The following SKOR1 variants were observed in gnomAD, a reference collection of about 807,000 sequenced individuals.
The protein encoded by SKOR1 is LBX1 corepressor 1.
SKOR1 carries 38 observed loss-of-function variants against 72.4 expected under a neutral mutation model. That is an observed-to-expected ratio of 0.52 (90% confidence interval 0.40 to 0.69). The LOEUF (loss-of-function observed/expected upper bound fraction) is 0.69. SKOR1 is among the 30% of genes least tolerant of loss of function. The pLI is 0.00. For missense variants in SKOR1, 1,320 were observed against 1,343.2 expected (o/e 0.98, Z 0.27); for synonymous variants, 642 against 599.4 (o/e 1.07, Z -1.04).
rs567784570 is a variant in SKOR1, at chr15:67,827,385, G to C, written c.1557G>C (p.Ala519=). 4.3e-4 allele frequency: 665 copies of C among 1,550,756 alleles called. 1 individual carries two copies. The highest frequency in any genetic ancestry group is 3.3e-3 in the South Asian group (280 of 86,110). ...QAKAVAAAVA[A]AAAAAAAAAG... is the part of the protein sequence containing the mutation. ...AGGCCGTGGCGGCAGCCGTGGCGGC[G>C]GCAGCGGCGGCGGCAGCGGCAGCTG... The change falls in exon 2 of 9, where the codon GCG becomes GCC. Residue 519 remains alanine, a synonymous_variant. Coordinates refer to ENST00000380035, the MANE Select transcript of SKOR1 (RefSeq NM_001365915.1).
In SKOR1 at chr15:67,827,799, C is replaced by A. The variant is rs1392913739; in HGVS notation, c.1971C>A (p.Asp657Glu). The A allele has an allele frequency of 8.9e-6, 14 of 1,574,860 alleles. No homozygotes were observed. The highest frequency in any genetic ancestry group is 1.7e-4 in the Middle Eastern group (1 of 6,016). ...NSASPDVDTA[D>E]EPEVDVESNR... ...CCTCGCCCGACGTGGACACCGCGGA[C>A]GAGCCCGAGGTGGACGTGGAATCCA... Residue 657 changes from aspartate to glutamate, a missense_variant, in exon 2 of 9, where the codon GAC becomes GAA. Transcript: ENST00000380035.
Position 67,826,710 on chromosome 15 carries a change from G to A in SKOR1, c.882G>A (p.Ser294=). ...GGGGGGANGG[S]GGQGKGGAGG... is the part of the protein sequence containing the mutation. Reference sequence around the variant, plus strand: ...GCGGAGGCGGTGCCAATGGCGGGTCGGGTGGGCAGGGGAAGGGTGGTGCTG... The same window carrying A: ...GCGGAGGCGGTGCCAATGGCGGGTCAGGTGGGCAGGGGAAGGGTGGTGCTG... Residue 294 remains serine (S), a synonymous_variant, in exon 2 of 9, where the codon TCG becomes TCA. Transcript: ENST00000380035. 1.3e-6 allele frequency: 2 copies of A among 1,548,014 alleles called. No individual in the cohort carries two copies. Among genetic ancestry groups the A allele is most frequent in the Non-Finnish European group, 1.7e-6 (2 of 1,149,600 alleles).
chr15:67,830,661 T>C (rs1185605741), intron 4 of SKOR1, among the ~76,000 whole-genome samples, 157 bp from the exon 5 acceptor site: 1 of 152,154 alleles, frequency 6.6e-6, no homozygotes, highest in Non-Finnish European at 1.5e-5. Context: ...TGTAATGTCC[T>C]AGAAGGTGGA....
chr15:67,829,631 G>T (rs905737572), intron 3 of SKOR1, among the ~76,000 whole-genome samples: 2 of 152,256 alleles, frequency 1.3e-5, no homozygotes, highest in Non-Finnish European at 2.9e-5. Context: ...CGGGGCGGAG[G>T]ATGGGGGCAC....
chr15:67,833,175 C>T lies in SKOR1; in HGVS notation c.2738-17C>T, dbSNP rs1188072810. The T allele has an allele frequency of 6.2e-7, 1 of 1,613,908 alleles. No individual in the cohort carries two copies. Among genetic ancestry groups the T allele is most frequent in the African/African-American group, 1.3e-5 (1 of 74,894 alleles). On this transcript the variant is annotated splice_polypyrimidine_tract_variant and intron_variant, in intron 7 of 8. Transcript: ENST00000380035. This position sits in a 1 kb window ranked among gnomAD's most constrained non-coding sequence, Gnocchi z 6.0. Reference sequence around the variant, plus strand: ...GTGGTCTGCGTTTCCTCACTGGCCCCTCCCCTTGTCTTCCAGATACCCTGT... The same window carrying T: ...GTGGTCTGCGTTTCCTCACTGGCCCTTCCCCTTGTCTTCCAGATACCCTGT...
In SKOR1 at chr15:67,828,057, G is replaced by A; in HGVS notation, c.2229G>A (p.Arg743=). ...ACTTGGCAGCCGAAGACTTGGTGCG[G>A]AGACCTGAGAGGAGCCCGCCAAGCG... ...FGDLAAEDLV[R]RPERSPPSGG... Residue 743 remains arginine, a synonymous_variant, in exon 2 of 9, where the codon CGG becomes CGA. Coordinates refer to ENST00000380035, the MANE Select transcript of SKOR1 (RefSeq NM_001365915.1). 2 of 1,536,836 alleles carry A rather than the reference G, an allele frequency of 1.3e-6. No individual in the cohort carries two copies. Among genetic ancestry groups the A allele is most frequent in the Non-Finnish European group, 1.7e-6 (2 of 1,144,404 alleles).
chr15:67,830,718 G>C, intron 4 of SKOR1, 100 bp from the exon 5 acceptor site: 1 of 1,102,590 alleles, frequency 9.1e-7, no homozygotes, highest in Non-Finnish European at 1.4e-6. Context: ...AGAAGGTCTA[G>C]GGTAGGTCCC....
chr15:67,827,419 G>T lies in SKOR1; in HGVS notation c.1591G>T (p.Gly531Cys). ...GGCGGCAGCGGCAGCTGCTGGCAGC[G>T]GTGCCCCAGAGCCCCTGGACGGTGC... The part of the protein sequence containing the change: ...AAAAAAAAGS[G>C]APEPLDGAEP... The change falls in exon 2 of 9, where the codon GGT becomes TGT. Residue 531 changes from glycine (G) to cysteine (C), a missense_variant. Around this residue, in one of 3 missense-constraint regions of SKOR1, gnomAD observed 1,099 missense variants for 1,025.5 expected, o/e 1.07. Transcript: ENST00000380035. The T allele has an allele frequency of 6.6e-7, 1 of 1,523,724 alleles. No homozygotes were observed. Among genetic ancestry groups the T allele is most frequent in the Non-Finnish European group, 8.8e-7 (1 of 1,142,596 alleles). The allele number at this position is 1,523,724 out of a possible 1,614,324, so 94.4% of individuals were successfully genotyped here.
rs983533132 is a variant in SKOR1, at chr15:67,833,269, G to A, written c.2803+12G>A. 9 of 1,613,886 alleles carry A rather than the reference G, an allele frequency of 5.6e-6. No homozygotes were observed. The highest frequency in any genetic ancestry group is 5.3e-5 in the African/African-American group (4 of 74,930). On this transcript the variant is annotated intron_variant, in intron 8 of 8. Coordinates refer to ENST00000380035, the MANE Select transcript of SKOR1 (RefSeq NM_001365915.1). This position sits in a 1 kb window ranked among gnomAD's most constrained non-coding sequence, Gnocchi z 6.0. Reference sequence around the variant, plus strand: ...GCAGAAATTGAAAGGTGCGGAAGCCGGGAAACAAAGATAGGAGGGGTGCTG... The same window carrying A: ...GCAGAAATTGAAAGGTGCGGAAGCCAGGAAACAAAGATAGGAGGGGTGCTG...
Position 67,827,897 on chromosome 15 carries a change from A to G in SKOR1, c.2069A>G (p.Asp690Gly). Residue 690 changes from aspartate (D) to glycine (G), a missense_variant, in exon 2 of 9, where the codon GAC becomes GGC. Physicochemically the swap from Asp to Gly is moderately conservative, Grantham distance 94 (BLOSUM62 -1). Coordinates refer to ENST00000380035, the MANE Select transcript of SKOR1 (RefSeq NM_001365915.1). ...GCACCCAGCGCAGGGGGCGGCCCAG[A>G]CGGTGAACAGCCCACTGGACCCCCT... ...PSAPSAGGGP[D>G]GEQPTGPPSA... 1 of 1,599,814 alleles carries G rather than the reference A, an allele frequency of 6.3e-7. No individual in the cohort carries two copies. The highest frequency in any genetic ancestry group is 8.5e-7 in the Non-Finnish European group (1 of 1,174,316).
In SKOR1 at chr15:67,833,600, C is replaced by A; in HGVS notation, c.2804-142C>A. 1 of 852,720 alleles carries A rather than the reference C, an allele frequency of 1.2e-6. No homozygotes were observed. The highest frequency in any genetic ancestry group is 1.9e-6 in the Non-Finnish European group (1 of 517,492). 52.8% of individuals were successfully genotyped at this position (852,720 alleles called of 1,614,324 possible). A position where few individuals can be genotyped will look rare whatever the true frequency, so the allele number is the denominator to read the frequency against. ...TTCTGAATCACCAGCTTTTGTCCTA[C>A]CCTCCTGCCTCCTCCTGATCCGCTC... On this transcript the variant is annotated intron_variant, in intron 8 of 8. Coordinates refer to ENST00000380035, the MANE Select transcript of SKOR1 (RefSeq NM_001365915.1). This position sits in a 1 kb window ranked among gnomAD's most constrained non-coding sequence, Gnocchi z 6.0.
In SKOR1 at chr15:67,827,700, G is replaced by A. The variant is rs1426193442; in HGVS notation, c.1872G>A (p.Pro624=). The change falls in exon 2 of 9, where the codon CCG becomes CCA. Residue 624 remains proline (P), a synonymous_variant. Coordinates refer to ENST00000380035, the MANE Select transcript of SKOR1 (RefSeq NM_001365915.1). ...ACGGCGCGGGGCCTGCTCGGGGGCC[G>A]GGACCCGGCGCTGGGAGCGGCGGCT... ...EAYGAGPARG[P]GPGAGSGGYV... 1.3e-6 allele frequency: 2 copies of A among 1,538,386 alleles called. No individual in the cohort carries two copies. The highest frequency in any genetic ancestry group is 1.2e-5 in the South Asian group (1 of 82,680).
chr15:67,831,351 C>T (rs180851064), intron 5 of SKOR1, among the ~76,000 whole-genome samples: 64 of 152,306 alleles, frequency 4.2e-4, no homozygotes, highest in African/African-American at 1.5e-3. Context: ...GTATAACCAC[C>T]TCCACCTTAC....
chr15:67,833,930 G>C lies in SKOR1; in HGVS notation c.*94G>C. 1 of 1,356,674 alleles carries C rather than the reference G, an allele frequency of 7.4e-7. No individual in the cohort carries two copies. Among genetic ancestry groups the C allele is most frequent in the Non-Finnish European group, 1.0e-6 (1 of 963,040 alleles). The allele number at this position is 1,356,674 out of a possible 1,614,324, so 84.0% of individuals were successfully genotyped here. ...GCCCTGAGCGAGGAACAAGCCATTC[G>C]GACCCGACCGATGTAAATACAGCCG... On this transcript the variant is annotated 3_prime_UTR_variant, in exon 9 of 9. Transcript: ENST00000380035. This position sits in a 1 kb window ranked among gnomAD's most constrained non-coding sequence, Gnocchi z 6.0.
Position 67,830,106 on chromosome 15 carries a change from T to C in SKOR1, c.2408-85T>C. On this transcript the variant is annotated intron_variant, in intron 3 of 8. Transcript: ENST00000380035. ...CGGCCACGACGCTTTTAATTAGGGC[T>C]GGGGCGCCCCGACCGCGGCAGCTCC... The C allele has an allele frequency of 2.9e-6, 4 of 1,388,360 alleles. No individual in the cohort carries two copies. In the Admixed American group the frequency reaches 6.9e-5, roughly 24 times the overall value. 86.0% of individuals were successfully genotyped at this position (1,388,360 alleles called of 1,614,324 possible).
In SKOR1 at chr15:67,834,131, G is replaced by A. The variant is rs2091030248; in HGVS notation, c.*295G>A. On this transcript the variant is annotated 3_prime_UTR_variant, in exon 9 of 9. Coordinates refer to ENST00000380035, the MANE Select transcript of SKOR1 (RefSeq NM_001365915.1). The surrounding 1 kb of genome is among the most constrained non-coding windows in gnomAD (Gnocchi z 5.8). ...CAAGGGGTTAACTGGACAGACGGGG[G>A]GCGGGAGGGGAGAGCGCCCCCTCCC... 2.1e-6 allele frequency: 1 copy of A among 480,090 alleles called. No homozygotes were observed. Among genetic ancestry groups the A allele is most frequent in the South Asian group, 2.1e-5 (1 of 46,950 alleles). The allele number at this position is 480,090 out of a possible 1,614,324, so 29.7% of individuals were successfully genotyped here. A position where few individuals can be genotyped will look rare whatever the true frequency, so the allele number is the denominator to read the frequency against.
At position 67,832,712 on chromosome 15, in the gene SKOR1, G is replaced by C. The variant is rs753125542; in HGVS notation, c.2737+31G>C. On this transcript the variant is annotated intron_variant, in intron 7 of 8. Coordinates refer to ENST00000380035, the MANE Select transcript of SKOR1 (RefSeq NM_001365915.1). This position sits in a 1 kb window ranked among gnomAD's most constrained non-coding sequence, Gnocchi z 4.5. The stretch of plus-strand genomic sequence containing the variant: ...ACGGGAGTCAGGTGAGCTCGTGCAC[G>C]GGCCGTAACTGCCTCTCGTCTGGCA... The C allele has an allele frequency of 1.9e-6, 3 of 1,586,446 alleles. No homozygotes were observed. The highest frequency in any genetic ancestry group is 1.3e-5 in the African/African-American group (1 of 74,328).
In SKOR1 at chr15:67,833,379, G is replaced by A; in HGVS notation, c.2803+122G>A. ...ATCCACGTGGATCAGGATCTGTGAGGGAGAAAAGTGGGAACTGATTTTAAC... is the reference window on the plus strand; with the variant it reads ...ATCCACGTGGATCAGGATCTGTGAGAGAGAAAAGTGGGAACTGATTTTAAC... On this transcript the variant is annotated intron_variant, in intron 8 of 8. Coordinates refer to ENST00000380035, the MANE Select transcript of SKOR1 (RefSeq NM_001365915.1). The surrounding 1 kb of genome is among the most constrained non-coding windows in gnomAD (Gnocchi z 6.0). 1 of 1,019,940 alleles carries A rather than the reference G, an allele frequency of 9.8e-7. No individual in the cohort carries two copies. The highest frequency in any genetic ancestry group is 1.5e-6 in the Non-Finnish European group (1 of 659,072). The allele number at this position is 1,019,940 out of a possible 1,614,324, so 63.2% of individuals were successfully genotyped here. A position where few individuals can be genotyped will look rare whatever the true frequency, so the allele number is the denominator to read the frequency against.
rs771264583 is a variant in SKOR1 at position 67,832,723 on chromosome 15, G to T, written c.2737+42G>T. ...GTGAGCTCGTGCACGGGCCGTAACT[G>T]CCTCTCGTCTGGCAGGAGCCGCAAT... On this transcript the variant is annotated intron_variant, in intron 7 of 8. Transcript: ENST00000380035. The surrounding 1 kb of genome is among the most constrained non-coding windows in gnomAD (Gnocchi z 4.5). 4 of 1,537,760 alleles carry T rather than the reference G, an allele frequency of 2.6e-6. No homozygotes were observed. The Middle Eastern group carries it at 6.8e-4, about 260-fold the overall frequency.
Sources: allele counts gnomAD v4.1 joint callset (sites outside exome capture counted in the v4.1 genomes callset), GRCh38; gene constraint gnomAD v4.1.1; regional missense constraint gnomAD v4.1.1; non-coding constraint Gnocchi (gnomAD v3.1); transcripts MANE v1.5; gene names NCBI Gene and HGNC (gene_info 2026-07-23, HGNC 2026-07-21).